SUGCT: variants seen among roughly 807,000 people sequenced by gnomAD.
SUGCT encodes succinyl-CoA:glutarate-CoA transferase.
SUGCT carries 41 observed loss-of-function variants against 55.0 expected under a neutral mutation model. That is an observed-to-expected ratio of 0.74 (90% CI 0.58 to 0.97). The LOEUF (loss-of-function observed/expected upper bound fraction) is 0.97. SUGCT is among the 50% of genes least tolerant of loss of function. The pLI, the probability that SUGCT is intolerant of heterozygous loss-of-function variation, is 0.00. For synonymous variants in SUGCT, 187 were observed against 200.4 expected (o/e 0.93, Z 0.56); for missense variants, 568 against 547.8 (o/e 1.04, Z -0.37).
At chr7:40,500,010 A>G (rs1396572954) in intron 12 of SUGCT, among the ~76,000 whole-genome samples, 1 of 152,186 alleles carries the variant, frequency 6.6e-6, no homozygotes, top group African/African-American at 2.4e-5. Context: ...AAACATAGGT[A>G]TATATCTCAC....
chr7:40,906,408 A>G, the SUGCT span, among the ~76,000 whole-genome samples: 37 of 152,348 alleles, frequency 2.4e-4, no homozygotes, highest in East Asian at 5.6e-3. Flanking sequence ...ATCCCAAACT[A>G]AAATAAACGT....
intron 9 of SUGCT, among the ~76,000 whole-genome samples, chr7:40,364,224 G>A (rs560550200): frequency 6.6e-6 from 1 of 152,132 alleles, no homozygotes; most frequent in East Asian, 1.9e-4. Flanking sequence ...ACGTGAGATG[G>A]GTTTTCTGAA....
intron 9 of SUGCT, among the ~76,000 whole-genome samples, chr7:40,399,912 G>A (rs1371438776): frequency 6.6e-6 from 1 of 152,064 alleles, no homozygotes; most frequent in African/African-American, 2.4e-5. Context: ...AGCTGGGTGT[G>A]GTGATATGTG....
intron 8 of SUGCT, among the ~76,000 whole-genome samples, chr7:40,305,093 T>C (rs1382207139): frequency 2.0e-5 from 3 of 152,170 alleles, no homozygotes; most frequent in Non-Finnish European, 4.4e-5. Context: ...ATACGGGGCC[T>C]CAGTCCCTGA....
At chr7:40,328,210 T>A (rs1282052782) in intron 9 of SUGCT, among the ~76,000 whole-genome samples, 3 of 152,226 alleles carry the variant, frequency 2.0e-5, no homozygotes, top group Non-Finnish European at 4.4e-5. Flanking sequence ...GATCCTTAAT[T>A]ATGACTTAAA....
the SUGCT span, among the ~76,000 whole-genome samples, chr7:40,883,606 G>T: frequency 6.6e-6 from 1 of 152,242 alleles, no homozygotes; most frequent in South Asian, 2.1e-4. Flanking sequence ...CATGCAAAAT[G>T]CTTACTACAG....
At chr7:40,164,796 G>A (rs2150658579) in intron 1 of SUGCT, among the ~76,000 whole-genome samples, 1 of 152,300 alleles carries the variant, frequency 6.6e-6, no homozygotes. Flanking sequence ...CAGAATTGAA[G>A]CCTCCTTGAG....
At chr7:40,235,581 T>G (rs534362333) in intron 6 of SUGCT, among the ~76,000 whole-genome samples, 1 of 152,276 alleles carries the variant, frequency 6.6e-6, no homozygotes, top group South Asian at 2.1e-4. Flanking sequence ...CCTGCATTGA[T>G]CTCTCAAAGT....
intron 13 of SUGCT, among the ~76,000 whole-genome samples, chr7:40,856,844 C>T (rs1178325369): frequency 6.6e-6 from 1 of 152,190 alleles, no homozygotes; most frequent in Non-Finnish European, 1.5e-5. Flanking sequence ...AATTTACACT[C>T]CTATCAGCCA....
chr7:40,399,706 C>T (rs1785956803), intron 9 of SUGCT, among the ~76,000 whole-genome samples: 1 of 152,166 alleles, frequency 6.6e-6, no homozygotes, highest in African/African-American at 2.4e-5. Flanking sequence ...TTGCTTTTTG[C>T]TTTCCAATCT....
chr7:40,539,773 G>T (rs757991208), intron 12 of SUGCT: 9 of 152,110 alleles, frequency 5.9e-5, no homozygotes, highest in Non-Finnish European at 1.0e-4. Context: ...AGAAAAATGC[G>T]TTTGACATTT....
intron 9 of SUGCT, among the ~76,000 whole-genome samples, chr7:40,412,625 T>C (rs1193884547): frequency 6.6e-6 from 1 of 152,176 alleles, no homozygotes; most frequent in Non-Finnish European, 1.5e-5. Context: ...ATAATTCTTA[T>C]CAGTTTTGGG....
chr7:40,795,143 G>A (rs1276277070), intron 13 of SUGCT, among the ~76,000 whole-genome samples: 1 of 152,044 alleles, frequency 6.6e-6, no homozygotes. Flanking sequence ...TAATACACCA[G>A]TGGGCTCAAG....
intron 13 of SUGCT, among the ~76,000 whole-genome samples, chr7:40,776,596 A>T (rs1287979129): frequency 6.6e-6 from 1 of 152,154 alleles, no homozygotes; most frequent in Non-Finnish European, 1.5e-5. Flanking sequence ...CATCAATGTT[A>T]CTTTCTACGT....
intron 9 of SUGCT, among the ~76,000 whole-genome samples, chr7:40,444,043 T>C (rs1275952639): frequency 6.6e-6 from 1 of 152,054 alleles, no homozygotes; most frequent in Non-Finnish European, 1.5e-5. Flanking sequence ...AGATTTGTGG[T>C]ATTATTTCTG....
At chr7:40,379,320 A>T (rs1784756601) in intron 9 of SUGCT, among the ~76,000 whole-genome samples, 2 of 152,186 alleles carry the variant, frequency 1.3e-5, no homozygotes. Flanking sequence ...TTACAAAACT[A>T]ATGCAGTCTA....
At chr7:40,410,887 TTATC>T (rs1221944405) in intron 9 of SUGCT, among the ~76,000 whole-genome samples, 8 of 152,304 alleles carry the variant, frequency 5.3e-5, no homozygotes, top group Middle Eastern at 3.4e-3. Context: ...GACTATGTCT[TTATC>T]TACAAAAAAA....
intron 13 of SUGCT, among the ~76,000 whole-genome samples, chr7:40,853,413 G>A (rs1401049566): frequency 1.3e-5 from 2 of 152,062 alleles, no homozygotes; most frequent in African/African-American, 2.4e-5. Context: ...CTCCCAGGCT[G>A]GAGTGCAGTG....
In SUGCT at chr7:40,149,072, G is replaced by A. The variant is rs143144817; in HGVS notation, c.100+13952G>A. 5.8e-4 allele frequency among the ~76,000 whole-genome samples: 88 copies of A among 152,182 alleles called. No homozygotes were observed. In the East Asian group the frequency reaches 0.014, roughly 24 times the overall value. On this transcript the variant is annotated intron_variant, in intron 1 of 13. Transcript: ENST00000335693. The stretch of plus-strand genomic sequence containing the variant: ...GTGGGGAACCTTGGAGAGTCCTTGA[G>A]GTTTCTCCTTTAGTTCAGCATGTCA...
Sources: gnomAD v4.1 joint callset for allele counts (sites outside exome capture counted in the v4.1 genomes callset) on GRCh38, gnomAD v4.1.1 for gene constraint, MANE v1.5 for transcripts, NCBI Gene and HGNC (gene_info 2026-07-23, HGNC 2026-07-21) for gene names.